COL5A2: variants seen among roughly 807,000 people sequenced by gnomAD.
COL5A2 encodes collagen alpha-2(V) chain.
A neutral mutation model predicts 208.2 loss-of-function variants in COL5A2; 23 were observed. The ratio of observed to expected loss-of-function variants is 0.11; its 90% CI spans 0.08 to 0.16. COL5A2 has a LOEUF of 0.16. Among genes scored for constraint, COL5A2 ranks in the 10% least tolerant of loss-of-function variants. COL5A2 has a pLI of 1.00. For missense variants in COL5A2, 1,590 were observed against 1,956.4 expected (o/e 0.81, Z 3.53); for synonymous variants, 625 against 628.5 (o/e 0.99, Z 0.08).
chr2:189,071,716 T>C (rs933026804), intron 18 of COL5A2, among the ~76,000 whole-genome samples: 1 of 152,174 alleles, frequency 6.6e-6, no homozygotes, highest in African/African-American at 2.4e-5. Context: ...TATTCAAGAA[T>C]AGAGAATAGA....
chr2:189,180,783 C>G (rs1228085755), upstream of COL5A2, among the ~76,000 whole-genome samples: 4 of 152,282 alleles, frequency 2.6e-5, no homozygotes, highest in African/African-American at 7.2e-5. Context: ...GTTGAACATG[C>G]ATTTTAAGGA....
intron 50 of COL5A2, among the ~76,000 whole-genome samples, chr2:189,041,121 TC>T (rs1685551798): frequency 6.6e-6 from 1 of 152,198 alleles, no homozygotes; most frequent in African/African-American, 2.4e-5. Context: ...CTTTGTATCA[TC>T]CTCAAGTCAA....
chr2:189,083,908 T>C, intron 12 of COL5A2, 76 bp downstream of exon 12: 2 of 1,047,486 alleles, frequency 1.9e-6, no homozygotes, highest in Non-Finnish European at 3.0e-6. Flanking sequence ...CTGATACATG[T>C]GCATACAGAG....
the COL5A2 span, among the ~76,000 whole-genome samples, chr2:189,435,480 G>GA: frequency 9.9e-5 from 15 of 151,844 alleles, no homozygotes; most frequent in Non-Finnish European, 2.2e-4. Flanking sequence ...AAATTTACAA[G>GA]AAAAAAACAA....
rs113055841 is a variant in COL5A2 at position 189,160,121 on chromosome 2, T to C, written c.97+19387A>G. On this transcript the variant is annotated intron_variant, in intron 1 of 53. Coordinates refer to ENST00000374866, the MANE Select transcript of COL5A2 (RefSeq NM_000393.5). ...AGATACAATTGAGAGAGCCCTGAAA[T>C]AGAAGCCAGAAAACTGAAGCTCTAT... Among the ~76,000 whole-genome samples, 7 of 152,210 alleles carry C rather than the reference T, an allele frequency of 4.6e-5. 1 individual carries two copies. Among genetic ancestry groups the C allele is most frequent in the African/African-American group, 9.6e-5 (4 of 41,546 alleles).
At chr2:189,163,342 T>G (rs1282031682) in intron 1 of COL5A2, among the ~76,000 whole-genome samples, 1 of 152,196 alleles carries the variant, frequency 6.6e-6, no homozygotes, top group East Asian at 1.9e-4. Flanking sequence ...ACCAAAAACA[T>G]TTAGAGAACA....
chr2:189,169,178 G>A (rs566917881), intron 1 of COL5A2, among the ~76,000 whole-genome samples: 81 of 152,308 alleles, frequency 5.3e-4, no homozygotes, highest in African/African-American at 1.8e-3. Flanking sequence ...CAGGTTTCCA[G>A]TTTTTAATAG....
At chr2:189,432,664 C>T in the COL5A2 span, among the ~76,000 whole-genome samples, 13 of 152,278 alleles carry the variant, frequency 8.5e-5, no homozygotes, top group South Asian at 2.5e-3. Context: ...AATACAGGAG[C>T]ACCCAGATTC....
At chr2:189,359,425 C>T in the COL5A2 span, among the ~76,000 whole-genome samples, 2 of 152,252 alleles carry the variant, frequency 1.3e-5, no homozygotes, top group African/African-American at 4.8e-5. Context: ...ATAAATCTCC[C>T]TTGATCATAG....
chr2:189,044,717 A>G (rs886977183), intron 47 of COL5A2, among the ~76,000 whole-genome samples: 2 of 152,172 alleles, frequency 1.3e-5, no homozygotes, highest in Non-Finnish European at 2.9e-5. Context: ...CATTCATGGT[A>G]AGACATCTAT....
chr2:189,284,480 G>C, the COL5A2 span, among the ~76,000 whole-genome samples: 495 of 152,238 alleles, frequency 3.3e-3, 1 homozygote, highest in African/African-American at 0.012. Context: ...AAGAGAGACA[G>C]AGAGAAGGGG....
At chr2:189,291,290 G>A in the COL5A2 span, among the ~76,000 whole-genome samples, 13 of 152,164 alleles carry the variant, frequency 8.5e-5, no homozygotes, top group Non-Finnish European at 1.8e-4. Context: ...AAGGCTGAAA[G>A]GTTAAAGTTT....
chr2:189,219,784 G>A (rs1453409797), intron 1 of COL5A2, among the ~76,000 whole-genome samples: 4 of 152,064 alleles, frequency 2.6e-5, no homozygotes, highest in African/African-American at 7.2e-5. Flanking sequence ...TTGAACTACC[G>A]TGTAAGCCTG....
At chr2:189,091,929 C>T (rs1686794972) in intron 7 of COL5A2, among the ~76,000 whole-genome samples, 2 of 152,264 alleles carry the variant, frequency 1.3e-5, no homozygotes, top group South Asian at 4.1e-4. Flanking sequence ...ATGTGTCATC[C>T]TCTCTTGTGG....
chr2:189,426,636 T>G, the COL5A2 span, among the ~76,000 whole-genome samples: 1 of 152,200 alleles, frequency 6.6e-6, no homozygotes, highest in African/African-American at 2.4e-5. Context: ...CTTGGCAAAA[T>G]CAACTTTCTA....
intron 45 of COL5A2, among the ~76,000 whole-genome samples, chr2:189,046,550 C>A (rs35316621): frequency 6.6e-6 from 1 of 152,108 alleles, no homozygotes; most frequent in Non-Finnish European, 1.5e-5. Flanking sequence ...TAAAGAGGCT[C>A]CTTTTTATTT....
intron 1 of COL5A2, among the ~76,000 whole-genome samples, chr2:189,221,797 C>G (rs1240938207): frequency 6.6e-6 from 1 of 152,126 alleles, no homozygotes; most frequent in Non-Finnish European, 1.5e-5. Context: ...CTACCCCTCA[C>G]AGGCAGCAAG....
chr2:189,034,803 A>T, intron 53 of COL5A2, 113 bp downstream of exon 53: 1 of 1,212,792 alleles, frequency 8.2e-7, no homozygotes, highest in Non-Finnish European at 1.2e-6. Context: ...ACAAACTGCT[A>T]TTATGCTCAT....
the COL5A2 span, among the ~76,000 whole-genome samples, chr2:189,357,557 C>A: frequency 2.6e-5 from 4 of 151,986 alleles, no homozygotes; most frequent in Non-Finnish European, 5.9e-5. Flanking sequence ...ATGGTGGACA[C>A]CCCTCCCCCT....
Sources: allele counts gnomAD v4.1 joint callset (sites outside exome capture counted in the v4.1 genomes callset), GRCh38; gene constraint gnomAD v4.1.1; transcripts MANE v1.5; gene names NCBI Gene and HGNC (gene_info 2026-07-23, HGNC 2026-07-21).